The following HCRTR2 variants were observed in gnomAD, a reference collection of about 807,000 sequenced individuals.
HCRTR2 encodes the protein hypocretin receptor 2.
In HCRTR2, 22 loss-of-function variants were observed where a neutral mutation model predicts 49.0. That is an observed-to-expected ratio of 0.45 (90% confidence interval 0.32 to 0.64). HCRTR2 has a LOEUF of 0.64. HCRTR2 is among the 30% of genes least tolerant of loss of function. The pLI is 0.04. For synonymous variants in HCRTR2, 236 were observed against 205.3 expected, an observed-to-expected ratio of 1.15 and a Z score of -1.28; for missense variants, 491 against 559.4, an observed-to-expected ratio of 0.88 and a Z score of 1.23.
chr6:55,189,707 G>A (rs1291089722), intron 1 of HCRTR2, among the ~76,000 whole-genome samples: 4 of 152,078 alleles, frequency 2.6e-5, no homozygotes, highest in Non-Finnish European at 5.9e-5. Context: ...CCTAGGTGAT[G>A]GGTTGATAGG....
intron 4 of HCRTR2, among the ~76,000 whole-genome samples, chr6:55,273,555 A>C (rs1179665284): frequency 2.6e-5 from 4 of 152,088 alleles, no homozygotes; most frequent in African/African-American, 9.7e-5. Flanking sequence ...GTCTCAGCCC[A>C]CTTCAGTGTA....
chr6:55,154,537 G>A (rs1287056392), intron 1 of HCRTR2, among the ~76,000 whole-genome samples: 1 of 151,756 alleles, frequency 6.6e-6, no homozygotes, highest in Non-Finnish European at 1.5e-5. Flanking sequence ...CATCTGAATA[G>A]ATGCAGAAAA....
chr6:55,281,331 A>G (rs969917287), intron 6 of HCRTR2, among the ~76,000 whole-genome samples: 8 of 152,230 alleles, frequency 5.3e-5, no homozygotes, highest in Admixed American at 1.3e-4. Flanking sequence ...ATCTAGCACA[A>G]TGACTAAAGC....
In HCRTR2 at chr6:55,138,211, T is replaced by C. The variant is rs191033158; in HGVS notation, c.-378+31666T>C. 3.4e-3 allele frequency among the ~76,000 whole-genome samples: 510 copies of C among 151,568 alleles called. 6 individuals carry two copies. Among genetic ancestry groups the C allele is most frequent in the African/African-American group, 0.012 (484 of 40,968 alleles). ...AAGCAAGATGAAAAGATAGAATAGT[T>C]AATTTTTTTTTGTCCTGAAAGATTT... On this transcript the variant is annotated intron_variant, in intron 1 of 7. Coordinates refer to the HCRTR2 transcript ENST00000615358.
At chr6:55,181,663 G>T (rs545540693) in intron 1 of HCRTR2, among the ~76,000 whole-genome samples, 1 of 152,156 alleles carries the variant, frequency 6.6e-6, no homozygotes, top group East Asian at 1.9e-4. Context: ...TGCTTGAAGT[G>T]ATTTAAAATC....
intron 1 of HCRTR2, among the ~76,000 whole-genome samples, chr6:55,188,596 G>T (rs1434547938): frequency 6.6e-6 from 1 of 152,144 alleles, no homozygotes; most frequent in Non-Finnish European, 1.5e-5. Context: ...ATCTAATTTG[G>T]AGCTATTTCC....
intron 1 of HCRTR2, among the ~76,000 whole-genome samples, chr6:55,163,865 T>G (rs551473817): frequency 1.6e-3 from 239 of 152,252 alleles, no homozygotes; most frequent in Non-Finnish European, 2.7e-3. Flanking sequence ...AGAAAATTTT[T>G]GCAATCTGTC....
chr6:55,121,880 T>G (rs1177772569), intron 1 of HCRTR2, among the ~76,000 whole-genome samples: 2 of 152,140 alleles, frequency 1.3e-5, no homozygotes, highest in Non-Finnish European at 2.9e-5. Context: ...TTATTGAGGA[T>G]TTTTGCATCG....
At chr6:55,171,869 GGAAA>G (rs1764955164), upstream of HCRTR2, among the ~76,000 whole-genome samples, 5 of 152,294 alleles carry the variant, frequency 3.3e-5, no homozygotes, top group African/African-American at 1.2e-4. Flanking sequence ...TGACTACTTA[GGAAA>G]TAGCAGACTG....
chr6:55,206,819 A>C (rs1169080317), intron 1 of HCRTR2, among the ~76,000 whole-genome samples: 1 of 152,090 alleles, frequency 6.6e-6, no homozygotes, highest in African/African-American at 2.4e-5. Context: ...CACATCAAAA[A>C]AGGCAAAATA....
chr6:55,243,902 T>C (rs1185509880), intron 1 of HCRTR2, among the ~76,000 whole-genome samples: 2 of 152,140 alleles, frequency 1.3e-5, no homozygotes, highest in South Asian at 2.1e-4. Context: ...TTTAGGCTAA[T>C]TAAAAGATAT....
chr6:55,132,629 C>T (rs576526952), intron 1 of HCRTR2, among the ~76,000 whole-genome samples: 18 of 151,812 alleles, frequency 1.2e-4, no homozygotes, highest in Admixed American at 5.3e-4. Context: ...GTAGGACATA[C>T]GTTTCAGATT....
At chr6:55,177,290 A>G (rs535148337) in intron 1 of HCRTR2, among the ~76,000 whole-genome samples, 9 of 152,282 alleles carry the variant, frequency 5.9e-5, no homozygotes, top group African/African-American at 1.2e-4. Context: ...CTCTGGTTGA[A>G]CTGAAATGCA....
intron 1 of HCRTR2, among the ~76,000 whole-genome samples, chr6:55,189,383 G>GA (rs201872656): frequency 1.3e-5 from 2 of 151,830 alleles, no homozygotes; most frequent in Admixed American, 6.6e-5. Flanking sequence ...GATAGAATAT[G>GA]AAAAAAAATG....
At chr6:55,212,339 T>A (rs1250037051) in intron 1 of HCRTR2, among the ~76,000 whole-genome samples, 1 of 152,112 alleles carries the variant, frequency 6.6e-6, no homozygotes, top group Non-Finnish European at 1.5e-5. Flanking sequence ...TTCTATAGAA[T>A]CCCAACTTTG....
chr6:55,168,143 A>G lies in HCRTR2; in HGVS notation c.-377-6068A>G, dbSNP rs9370394. 6.6e-5 allele frequency among the ~76,000 whole-genome samples: 10 copies of G among 152,356 alleles called. No homozygotes were observed. The East Asian group carries it at 1.9e-3, about 29-fold the overall frequency. ...GCATGCTAAGTCTGGGGATACAAAG[A>G]TGAATGAGAAAACATTTATGCCCTT... is the stretch of plus-strand genomic sequence containing the variant. On this transcript the variant is annotated intron_variant, in intron 1 of 7. Transcript: ENST00000615358.
At chr6:55,178,371 G>A (rs1267593021) in intron 1 of HCRTR2, among the ~76,000 whole-genome samples, 1 of 151,980 alleles carries the variant, frequency 6.6e-6, no homozygotes, top group Non-Finnish European at 1.5e-5. Context: ...CTTCTTGTGT[G>A]CCATTAGCAA....
intron 3 of HCRTR2, among the ~76,000 whole-genome samples, chr6:55,258,765 A>G (rs1158150639): frequency 6.6e-6 from 1 of 152,170 alleles, no homozygotes; most frequent in Non-Finnish European, 1.5e-5. Flanking sequence ...ACAGAAAGAA[A>G]TTCTTTGCTG....
chr6:55,120,151 C>T (rs1241176983), intron 1 of HCRTR2, among the ~76,000 whole-genome samples: 1 of 152,126 alleles, frequency 6.6e-6, no homozygotes, highest in African/African-American at 2.4e-5. Context: ...GGTACCAGTA[C>T]CATGCTGTTT....
Sources: gnomAD v4.1 joint callset for allele counts (sites outside exome capture counted in the v4.1 genomes callset) on GRCh38, gnomAD v4.1.1 for gene constraint, MANE v1.5 for transcripts, NCBI Gene and HGNC (gene_info 2026-07-23, HGNC 2026-07-21) for gene names.